Variants in MINDY2 observed in about 807,000 individuals in gnomAD.
MINDY2 encodes MINDY lysine 48 deubiquitinase 2.
A neutral mutation model predicts 68.2 loss-of-function variants in MINDY2; 52 were observed. That is an observed-to-expected ratio of 0.76 (90% CI 0.61 to 0.96). The LOEUF (loss-of-function observed/expected upper bound fraction) is 0.96. MINDY2 is among the 40% of genes least tolerant of loss of function. MINDY2 has a pLI of 0.00. For missense variants in MINDY2, 881 were observed against 773.4 expected, an observed-to-expected ratio of 1.14 and a Z score of -1.65; for synonymous variants, 372 against 303.0, an observed-to-expected ratio of 1.23 and a Z score of -2.36.
chr15:58,803,513 A>G (rs1298255355), intron 3 of MINDY2, among the ~76,000 whole-genome samples: 2 of 151,306 alleles, frequency 1.3e-5, no homozygotes, highest in African/African-American at 2.4e-5. Flanking sequence ...ACATTGCATT[A>G]TATCATAAGA....
chr15:58,849,548 A>G (rs1039544242), intron 7 of MINDY2, among the ~76,000 whole-genome samples: 2 of 152,144 alleles, frequency 1.3e-5, no homozygotes, highest in African/African-American at 4.8e-5. Flanking sequence ...GCAGAGTGAT[A>G]GATTGTCACA....
At chr15:58,847,950 C>T (rs1293101475) in intron 7 of MINDY2, among the ~76,000 whole-genome samples, 4 of 151,990 alleles carry the variant, frequency 2.6e-5, no homozygotes, top group Admixed American at 2.0e-4. Context: ...TGGAAGGTAG[C>T]ATATAGTGTA....
chr15:58,787,307 C>T (rs1901572047), intron 1 of MINDY2, among the ~76,000 whole-genome samples: 1 of 151,784 alleles, frequency 6.6e-6, no homozygotes, highest in Non-Finnish European at 1.5e-5. Context: ...TTCTTTACTT[C>T]TTAATAGTTT....
chr15:58,799,321 A>C (rs1438372629), intron 2 of MINDY2, among the ~76,000 whole-genome samples: 1 of 152,220 alleles, frequency 6.6e-6, no homozygotes, highest in Non-Finnish European at 1.5e-5. Flanking sequence ...TAATCCCAGC[A>C]CTTTGGGAGG....
intron 1 of MINDY2, among the ~76,000 whole-genome samples, chr15:58,778,205 A>G (rs925994260): frequency 1.7e-4 from 26 of 152,268 alleles, no homozygotes; most frequent in African/African-American, 5.8e-4. Flanking sequence ...TATACTATAC[A>G]TTGTGATAGA....
intron 2 of MINDY2, among the ~76,000 whole-genome samples, chr15:58,792,012 A>G (rs1595714786): frequency 6.6e-6 from 1 of 152,258 alleles, no homozygotes; most frequent in East Asian, 1.9e-4. Context: ...AGAGTGAGAG[A>G]TGAGCTGAAT....
rs369822716 is a variant in MINDY2 at position 58,771,896 on chromosome 15, T to C, written c.501T>C (p.Pro167=). ...GCAGTTGCAGCGACCCGAGCCCTCC[T>C]GGGGAATCTCCGAGCCTGGACTCTC... ...LSSSCSDPSP[P]GESPSLDSLE... Residue 167 remains proline, a synonymous_variant, in exon 1 of 9, where the codon CCT becomes CCC. Transcript: ENST00000559228. The C allele has an allele frequency of 5.9e-5, 93 of 1,564,452 alleles. No individual in the cohort carries two copies. The highest frequency in any genetic ancestry group is 7.2e-5 in the Non-Finnish European group (83 of 1,157,474).
intron 6 of MINDY2, among the ~76,000 whole-genome samples, chr15:58,838,147 C>T (rs2032094676): frequency 6.6e-6 from 1 of 151,912 alleles, no homozygotes; most frequent in African/African-American, 2.4e-5. Flanking sequence ...CCTGTAATCC[C>T]AGCACTTTAG....
rs376505962 is a variant in MINDY2 at position 58,848,340 on chromosome 15, T to C, written c.1542+870T>C. On this transcript the variant is annotated intron_variant, in intron 7 of 8. Transcript: ENST00000559228. ...GTCCTAGAGATACAAAGATAAATCA[T>C]TGAGTCCTGTCCTTAAAGATGCAGC... Among the ~76,000 whole-genome samples the C allele has an allele frequency of 7.9e-5, 12 of 152,322 alleles. No homozygotes were observed. The East Asian group carries it at 1.7e-3, about 22-fold the overall frequency.
Position 58,847,336 on chromosome 15 carries a change from A to T in MINDY2, c.1408A>T (p.Thr470Ser). ...YLLVTDQGFL[T>S]EEKVVWESLH... ...GTTGGTAACGGACCAGGGGTTTCTTACTGAAGAGAAAGTTGTTTGGGAAAG... is the reference window on the plus strand; with the variant it reads ...GTTGGTAACGGACCAGGGGTTTCTTTCTGAAGAGAAAGTTGTTTGGGAAAG... The change falls in exon 7 of 9, where the codon ACT (threonine) becomes TCT (serine). Residue 470 changes from threonine (T) to serine (S), a missense_variant. Transcript: ENST00000559228. The T allele has an allele frequency of 6.3e-7, 1 of 1,595,766 alleles. No individual in the cohort carries two copies. The highest frequency in any genetic ancestry group is 8.6e-7 in the Non-Finnish European group (1 of 1,166,100).
At chr15:58,774,410 G>A (rs1314378178) in intron 1 of MINDY2, among the ~76,000 whole-genome samples, 1 of 151,510 alleles carries the variant, frequency 6.6e-6, no homozygotes, top group Non-Finnish European at 1.5e-5. Flanking sequence ...CTTGAACCCA[G>A]GAGGTGGAGG....
rs557904412 is a variant in MINDY2 at position 58,810,499 on chromosome 15, C to T, written c.1122+111C>T. 5.1e-5 allele frequency: 53 copies of T among 1,038,844 alleles called. 1 individual carries two copies. The East Asian group carries it at 1.3e-3, about 26-fold the overall frequency. The allele number at this position is 1,038,844 out of a possible 1,614,324, so 64.4% of individuals were successfully genotyped here. Reference sequence around the variant, plus strand: ...TTACTTACTTTTTTTGTACTTTTGCCTGGAATTAGCCAAACTATGAGGTTA... The same window carrying T: ...TTACTTACTTTTTTTGTACTTTTGCTTGGAATTAGCCAAACTATGAGGTTA... On this transcript the variant is annotated intron_variant, in intron 4 of 8. Coordinates refer to ENST00000559228, the MANE Select transcript of MINDY2 (RefSeq NM_001040450.3).
At chr15:58,779,888 T>C (rs115055093) in intron 1 of MINDY2, among the ~76,000 whole-genome samples, 117 of 152,300 alleles carry the variant, frequency 7.7e-4, no homozygotes, top group African/African-American at 2.6e-3. Context: ...AAAAACCTTC[T>C]CACTCCCCAT....
At chr15:58,814,637 G>A in intron 4 of MINDY2, among the ~76,000 whole-genome samples, 1 of 151,646 alleles carries the variant, frequency 6.6e-6, no homozygotes, top group East Asian at 1.9e-4. Flanking sequence ...CTCCCAAAGT[G>A]TGAGACTACG....
At position 58,802,205 on chromosome 15, in the gene MINDY2, A is replaced by G. The variant is rs187542648; in HGVS notation, c.899-108A>G. 348 of 722,246 alleles carry G rather than the reference A, an allele frequency of 4.8e-4. 1 individual carries two copies. The African/African-American group carries it at 5.5e-3, about 11-fold the overall frequency. 44.7% of individuals were successfully genotyped at this position (722,246 alleles called of 1,614,324 possible). A position where few individuals can be genotyped will look rare whatever the true frequency, so the allele number is the denominator to read the frequency against. ...GATTGGGGAGTCAATTTTATATGTC[A>G]ACTATAGCTACAGTGTTTTAACATT... is the stretch of plus-strand genomic sequence containing the variant. On this transcript the variant is annotated intron_variant, in intron 2 of 8. Transcript: ENST00000559228.
chr15:58,796,235 C>G (rs1262004177), intron 2 of MINDY2: 2 of 436,726 alleles, frequency 4.6e-6, no homozygotes, highest in Non-Finnish European at 9.2e-6. Flanking sequence ...TAGTTAGAAT[C>G]TATGCTGTTG....
intron 8 of MINDY2, 47 bp downstream of exon 8, chr15:58,852,012 T>C: frequency 7.0e-7 from 1 of 1,429,762 alleles, no homozygotes; most frequent in Non-Finnish European, 9.5e-7. Context: ...CATGGCTGGG[T>C]GTAGTGGCTC....
At chr15:58,801,123 G>A (rs1380030294) in intron 2 of MINDY2, among the ~76,000 whole-genome samples, 2 of 151,858 alleles carry the variant, frequency 1.3e-5, no homozygotes, top group South Asian at 2.1e-4. Flanking sequence ...ACAGGTGCAT[G>A]CCACTACGCC....
Position 58,771,781 on chromosome 15 carries a change from CG to C in MINDY2, c.389del (p.Gly130GlufsTer14). The C allele has an allele frequency of 6.2e-7, 1 of 1,610,286 alleles. No individual in the cohort carries two copies. The highest frequency in any genetic ancestry group is 8.5e-7 in the Non-Finnish European group (1 of 1,179,022). On this transcript the variant is annotated frameshift_variant, in exon 1 of 9. Transcript: ENST00000559228. LOFTEE classifies it high-confidence loss of function. ...CATGAGTTGGGTACCGCCGGAGACG[CG>C]GGAGCCCGCCCGGATCTCGCCGGCA... ...VGHELGTAGD[A>X]GARPDLAGTC...
Sources: allele counts gnomAD v4.1 joint callset (sites outside exome capture counted in the v4.1 genomes callset), GRCh38; gene constraint gnomAD v4.1.1; transcripts MANE v1.5; gene names NCBI Gene and HGNC (gene_info 2026-07-23, HGNC 2026-07-21).